ASIP: variants seen among roughly 807,000 people sequenced by gnomAD.
The protein encoded by ASIP is agouti-signaling protein.
A neutral mutation model predicts 10.3 loss-of-function variants in ASIP; 11 were observed. That is an observed-to-expected ratio of 1.07 (90% CI 0.68 to 1.78). The LOEUF is 1.78. Ranked by LOEUF, ASIP falls within the 40% of genes most tolerant of loss-of-function variation. The probability of loss-of-function intolerance (pLI) is 0.00; values close to 1 mark genes in which losing one functional copy is unlikely to be tolerated. For missense variants in ASIP, 180 were observed against 169.2 expected, an observed-to-expected ratio of 1.06 and a Z score of -0.35; for synonymous variants, 70 against 70.8, an observed-to-expected ratio of 0.99 and a Z score of 0.06.
chr20:34,246,423 TTGG>T, intron 1 of ASIP: 4 of 1,369,496 alleles, frequency 2.9e-6, no homozygotes, highest in African/African-American at 1.4e-5. Context: ...CAGTACTCTG[TTGG>T]TAATGAACAG....
At chr20:34,235,840 A>AGAAAGAAAGAAGGAAG (rs2035181989) in intron 1 of ASIP, among the ~76,000 whole-genome samples, 1 of 53,754 alleles carries the variant, frequency 1.9e-5, no homozygotes, top group Non-Finnish European at 3.0e-5. Context: ...AAAGAAAGAA[A>AGAAAGAAAGAAGGAAG]GAAGGAAGGA....
intron 1 of ASIP, among the ~76,000 whole-genome samples, chr20:34,201,020 C>CCTTCCTTCTTTCTTTCTT (rs1568744481): frequency 1.3e-5 from 1 of 78,628 alleles, no homozygotes; most frequent in Non-Finnish European, 2.2e-5. Context: ...TTCCTTCCTT[C>CCTTCCTTCTTTCTTTCTT]TTTCTTTCTT....
chr20:34,252,271 TG>T (rs2035489328), intron 1 of ASIP, among the ~76,000 whole-genome samples: 1 of 152,222 alleles, frequency 6.6e-6, no homozygotes, highest in African/African-American at 2.4e-5. Context: ...TGCCAGTCTC[TG>T]AGTTCCCTCA....
At chr20:34,220,382 A>C (rs1042841215) in intron 1 of ASIP, among the ~76,000 whole-genome samples, 1 of 152,098 alleles carries the variant, frequency 6.6e-6, no homozygotes, top group South Asian at 2.1e-4. Context: ...TGATCACTTG[A>C]ACCCAGGAGT....
intron 1 of ASIP, among the ~76,000 whole-genome samples, chr20:34,242,790 AGTT>A (rs899687537): frequency 1.3e-5 from 2 of 152,204 alleles, no homozygotes; most frequent in African/African-American, 4.8e-5. Flanking sequence ...TCTGCTGTAA[AGTT>A]GTTGAGAGCT....
At chr20:34,249,307 G>A (rs907519207) in intron 1 of ASIP, among the ~76,000 whole-genome samples, 3 of 140,874 alleles carry the variant, frequency 2.1e-5, no homozygotes, top group Admixed American at 1.4e-4. Context: ...CCCATCCCCC[G>A]CCCCCAATCC....
At chr20:34,250,811 G>A (rs2035462578) in intron 1 of ASIP, among the ~76,000 whole-genome samples, 1 of 152,000 alleles carries the variant, frequency 6.6e-6, no homozygotes, top group Non-Finnish European at 1.5e-5. Flanking sequence ...CACATGACTG[G>A]GAGACTGTAG....
chr20:34,202,861 T>C (rs1037339033), intron 1 of ASIP, among the ~76,000 whole-genome samples: 1 of 138,876 alleles, frequency 7.2e-6, no homozygotes, highest in African/African-American at 2.8e-5. Context: ...CAGGCTGGAG[T>C]GCAGCGGCAT....
chr20:34,201,026 T>TTC (rs1253064480), intron 1 of ASIP, among the ~76,000 whole-genome samples: 2 of 92,730 alleles, frequency 2.2e-5, no homozygotes, highest in South Asian at 2.8e-4. Context: ...CCTTCTTTCT[T>TTC]TCTTTCTTTC....
rs1361520272 is a variant in ASIP, at chr20:34,245,669, G to A, written c.-11+4180G>A. Among the ~76,000 whole-genome samples the A allele has an allele frequency of 3.9e-5, 6 of 152,016 alleles. No individual in the cohort carries two copies. In the East Asian group the frequency reaches 9.8e-4, roughly 25 times the overall value. On this transcript the variant is annotated intron_variant, in intron 1 of 3. Coordinates refer to ENST00000374954, the MANE Select transcript of ASIP (RefSeq NM_001672.3). ...CTCCCAAAGTGCTGGGATTACAGGCGTGAGCCACCACGCCCAGCAAATGAC... is the reference window on the plus strand; with the variant it reads ...CTCCCAAAGTGCTGGGATTACAGGCATGAGCCACCACGCCCAGCAAATGAC...
chr20:34,227,220 T>TA lies in ASIP; in HGVS notation c.-11+32466dup, dbSNP rs1312471211. Among the ~76,000 whole-genome samples the TA allele has an allele frequency of 7.3e-4, 111 of 152,112 alleles. 1 individual carries two copies. The highest frequency in any genetic ancestry group is 1.4e-3 in the Non-Finnish European group (94 of 68,030). ...GCAAAGACAATACAAATTGACGTGT[T>TA]AAAAAATGCCATTTATAATGGTACC... On this transcript the variant is annotated intron_variant, in intron 1 of 3. Coordinates refer to the ASIP transcript ENST00000568305.
intron 3 of ASIP, among the ~76,000 whole-genome samples, chr20:34,267,568 G>A (rs557237959): frequency 6.8e-6 from 1 of 147,854 alleles, no homozygotes; most frequent in African/African-American, 2.5e-5. Context: ...TTTTGCTCTT[G>A]TTGCCCAGGC....
At chr20:34,267,631 A>G (rs2035810510) in intron 3 of ASIP, among the ~76,000 whole-genome samples, 1 of 152,068 alleles carries the variant, frequency 6.6e-6, no homozygotes, top group African/African-American at 2.4e-5. Context: ...TCCCCGGTTC[A>G]AACAATTCTC....
intron 3 of ASIP, among the ~76,000 whole-genome samples, chr20:34,268,424 A>G (rs915806722): frequency 6.6e-6 from 1 of 152,178 alleles, no homozygotes; most frequent in Non-Finnish European, 1.5e-5. Context: ...AAGTTCAAAG[A>G]GAAACCACTT....
intron 1 of ASIP, among the ~76,000 whole-genome samples, chr20:34,219,702 G>A (rs938567765): frequency 6.6e-6 from 1 of 152,222 alleles, no homozygotes; most frequent in Non-Finnish European, 1.5e-5. Context: ...TTGCTTGTGG[G>A]TGGTGAGAGG....
At chr20:34,253,520 C>T (rs554116255) in intron 1 of ASIP, among the ~76,000 whole-genome samples, 8 of 150,616 alleles carry the variant, frequency 5.3e-5, no homozygotes, top group African/African-American at 9.8e-5. Context: ...TTGCCCAGGC[C>T]GGAGTGCAAT....
chr20:34,215,424 A>G (rs570725240), intron 1 of ASIP: 3 of 1,535,800 alleles, frequency 2.0e-6, no homozygotes, highest in Non-Finnish European at 1.8e-6. Context: ...GCACCACATC[A>G]CGATCCACCA....
chr20:34,236,162 G>A (rs2035207297), intron 1 of ASIP, among the ~76,000 whole-genome samples: 2 of 147,860 alleles, frequency 1.4e-5, no homozygotes, highest in Non-Finnish European at 1.5e-5. Context: ...AGGGAGGGAG[G>A]GAAAAGAAAG....
chr20:34,221,499 C>T (rs1045187981), intron 1 of ASIP, among the ~76,000 whole-genome samples: 1 of 152,190 alleles, frequency 6.6e-6, no homozygotes, highest in Non-Finnish European at 1.5e-5. Context: ...TGAGATGAAT[C>T]TGATCCATGG....
Sources: allele counts gnomAD v4.1 joint callset (sites outside exome capture counted in the v4.1 genomes callset), GRCh38; gene constraint gnomAD v4.1.1; transcripts MANE v1.5; gene names NCBI Gene and HGNC (gene_info 2026-07-23, HGNC 2026-07-21).